RANBP10: variants seen among roughly 807,000 people sequenced by gnomAD.
RANBP10 encodes ran-binding protein 10.
In RANBP10, 24 loss-of-function variants were observed where a neutral mutation model predicts 72.8. The observed-to-expected ratio is 0.33, with a 90% confidence interval of 0.24 to 0.46. The LOEUF is 0.46. RANBP10 is among the 20% of genes least tolerant of loss of function. The pLI is 1.00. For missense variants in RANBP10, 679 were observed against 817.5 expected (o/e 0.83, Z 2.07); for synonymous variants, 310 against 322.3 (o/e 0.96, Z 0.41).
intron 4 of RANBP10, among the ~76,000 whole-genome samples, chr16:67,742,748 G>C (rs920304856): frequency 1.3e-5 from 2 of 152,202 alleles, no homozygotes; most frequent in African/African-American, 2.4e-5. Context: ...GCTATACAAG[G>C]GGGCAGGTGA....
At chr16:67,777,504 C>T (rs1358057342) in intron 2 of RANBP10, among the ~76,000 whole-genome samples, 1 of 152,104 alleles carries the variant, frequency 6.6e-6, no homozygotes. Flanking sequence ...CCACTGCACT[C>T]CAGCCTGGGC....
In RANBP10 at chr16:67,780,715, T is replaced by C. The variant is rs117004996; in HGVS notation, c.348-8629A>G. The stretch of plus-strand genomic sequence containing the variant: ...GGGTGGGACAGGAGCAGTGGGATGA[T>C]GTGGAGACAGGCAAGTGCTCTTTAG... On this transcript the variant is annotated intron_variant, in intron 2 of 13. Coordinates refer to ENST00000317506, the MANE Select transcript of RANBP10 (RefSeq NM_020850.3). 7.2e-5 allele frequency among the ~76,000 whole-genome samples: 11 copies of C among 152,290 alleles called. No individual in the cohort carries two copies. The East Asian group carries it at 2.1e-3, about 29-fold the overall frequency.
intron 2 of RANBP10, among the ~76,000 whole-genome samples, chr16:67,803,136 A>G (rs1018936623): frequency 5.9e-5 from 9 of 152,214 alleles, no homozygotes; most frequent in Admixed American, 1.3e-4. Flanking sequence ...CACACTAAAT[A>G]TATGTGCTTC....
At chr16:67,793,499 A>G (rs2055070165) in intron 2 of RANBP10, among the ~76,000 whole-genome samples, 1 of 151,708 alleles carries the variant, frequency 6.6e-6, no homozygotes, top group Non-Finnish European at 1.5e-5. Context: ...TTTAGTAGAG[A>G]CAGGGTTTCA....
At chr16:67,744,123 G>GC (rs1182651144) in intron 4 of RANBP10, 165 bp downstream of exon 4, 1 of 1,407,226 alleles carries the variant, frequency 7.1e-7, no homozygotes, top group African/African-American at 1.4e-5. Flanking sequence ...ACAAAGGCGT[G>GC]CCCCTGCTAC....
rs763086072 is a variant in RANBP10 at position 67,731,565 on chromosome 16, C to T, written c.796G>A (p.Val266Met). ...VLQNMVSSYL[V>M]HHGYCATATA... Reference sequence around the variant, plus strand: ...GCTGTGGCACAATACCCATGATGCACGAGGTAAGATGAAACCATGCTAGAA... The same window carrying T: ...GCTGTGGCACAATACCCATGATGCATGAGGTAAGATGAAACCATGCTAGAA... Residue 266 changes from valine to methionine, a missense_variant, in exon 7 of 14, where the codon GTG (valine) becomes ATG (methionine). Coordinates refer to ENST00000317506, the MANE Select transcript of RANBP10 (RefSeq NM_020850.3). The T allele has an allele frequency of 1.2e-5, 20 of 1,613,978 alleles. No individual in the cohort carries two copies. The highest frequency in any genetic ancestry group is 2.7e-5 in the African/African-American group (2 of 75,030).
At chr16:67,768,151 A>G (rs910492440) in intron 3 of RANBP10, among the ~76,000 whole-genome samples, 1 of 151,370 alleles carries the variant, frequency 6.6e-6, no homozygotes, top group African/African-American at 2.4e-5. Context: ...GCACTTTGGG[A>G]GGCCGAGATG....
intron 2 of RANBP10, among the ~76,000 whole-genome samples, chr16:67,777,134 C>T (rs1365721222): frequency 6.6e-6 from 1 of 151,650 alleles, no homozygotes; most frequent in Non-Finnish European, 1.5e-5. Flanking sequence ...TGCAGGAACC[C>T]GGGAGGTGGA....
At chr16:67,770,288 C>A (rs2054585140) in intron 3 of RANBP10, among the ~76,000 whole-genome samples, 1 of 151,970 alleles carries the variant, frequency 6.6e-6, no homozygotes, top group Admixed American at 6.6e-5. Flanking sequence ...CACAGCCACA[C>A]AGTATGCAAA....
intron 3 of RANBP10, among the ~76,000 whole-genome samples, chr16:67,771,310 G>A (rs2054602917): frequency 1.3e-5 from 2 of 151,656 alleles, no homozygotes; most frequent in Non-Finnish European, 2.9e-5. Context: ...CACATTCCAC[G>A]TGGGAGGTCA....
At chr16:67,762,247 C>T (rs1055341648) in intron 3 of RANBP10, among the ~76,000 whole-genome samples, 1 of 152,222 alleles carries the variant, frequency 6.6e-6, no homozygotes, top group Non-Finnish European at 1.5e-5. Flanking sequence ...GCCTGGGCAA[C>T]AGAGTGAGAT....
At chr16:67,802,665 G>C (rs1187149698) in intron 2 of RANBP10, among the ~76,000 whole-genome samples, 1 of 152,072 alleles carries the variant, frequency 6.6e-6, no homozygotes, top group African/African-American at 2.4e-5. Flanking sequence ...ATTAACATCT[G>C]ATGTTTCCAG....
intron 2 of RANBP10, among the ~76,000 whole-genome samples, chr16:67,793,460 C>T (rs190363063): frequency 2.6e-5 from 4 of 151,172 alleles, no homozygotes; most frequent in East Asian, 3.9e-4. Context: ...TACAGGTATA[C>T]GCCACCATGC....
intron 3 of RANBP10, among the ~76,000 whole-genome samples, chr16:67,747,817 C>CT (rs1160482023): frequency 0.011 from 1,281 of 121,304 alleles, 16 homozygotes; most frequent in African/African-American, 0.022. Flanking sequence ...ATTTTCTTTT[C>CT]TTTTTTTTTT....
Position 67,730,100 on chromosome 16 carries a change from C to A in RANBP10, c.890-54G>T. ...CGAGGGCTACAGGCCTCTCCCACAG[C>A]CACACACCTGGGATGCTGCCAGCCT... is the stretch of plus-strand genomic sequence containing the variant. On this transcript the variant is annotated intron_variant, in intron 7 of 13. Coordinates refer to ENST00000317506, the MANE Select transcript of RANBP10 (RefSeq NM_020850.3). The surrounding 1 kb of genome is among the most constrained non-coding windows in gnomAD (Gnocchi z 4.3). 6.6e-7 allele frequency: 1 copy of A among 1,523,254 alleles called. No homozygotes were observed. The allele number at this position is 1,523,254 out of a possible 1,614,324, so 94.4% of individuals were successfully genotyped here. A position where few individuals can be genotyped will look rare whatever the true frequency, so the allele number is the denominator to read the frequency against.
chr16:67,800,123 AAAC>A (rs893518767), intron 2 of RANBP10, among the ~76,000 whole-genome samples: 33 of 151,880 alleles, frequency 2.2e-4, no homozygotes, highest in South Asian at 2.1e-4. Flanking sequence ...TCTGTTTCAA[AAAC>A]AACAACAACA....
At chr16:67,779,915 AAG>A (rs1244075191) in intron 2 of RANBP10, among the ~76,000 whole-genome samples, 1 of 152,150 alleles carries the variant, frequency 6.6e-6, no homozygotes, top group Non-Finnish European at 1.5e-5. Context: ...TGACAGGAGA[AAG>A]AGGATCATGG....
At chr16:67,737,126 G>A (rs1485553036) in intron 5 of RANBP10, among the ~76,000 whole-genome samples, 1 of 122,322 alleles carries the variant, frequency 8.2e-6, no homozygotes, top group Non-Finnish European at 1.6e-5. Context: ...TAAGCAAGCA[G>A]AAAACTCCAT....
At chr16:67,728,661 C>A in intron 10 of RANBP10, 150 bp from the exon 11 acceptor site, 2 of 1,409,346 alleles carry the variant, frequency 1.4e-6, no homozygotes, top group African/African-American at 1.4e-5. Flanking sequence ...TCCAAGTCTT[C>A]AGCACTTGGC....
Sources: gnomAD v4.1 joint callset for allele counts (sites outside exome capture counted in the v4.1 genomes callset) on GRCh38, gnomAD v4.1.1 for gene constraint, Gnocchi (gnomAD v3.1) non-coding constraint, MANE v1.5 for transcripts, NCBI Gene and HGNC (gene_info 2026-07-23, HGNC 2026-07-21) for gene names.